The following NRXN1 variants were observed in gnomAD, a reference collection of about 807,000 sequenced individuals.
NRXN1 encodes neurexin-1.
A neutral mutation model predicts 150.9 loss-of-function variants in NRXN1; 39 were observed. That is an observed-to-expected ratio of 0.26 (90% CI 0.20 to 0.34). The LOEUF (loss-of-function observed/expected upper bound fraction) is 0.34. NRXN1 is among the 10% of genes least tolerant of loss of function. The pLI is 1.00. For missense variants in NRXN1, 1,815 were observed against 1,949.9 expected, an observed-to-expected ratio of 0.93 and a Z score of 1.30; for synonymous variants, 924 against 757.0, an observed-to-expected ratio of 1.22 and a Z score of -3.62.
intron 5 of NRXN1, among the ~76,000 whole-genome samples, chr2:50,827,572 G>C (rs1670629526): frequency 6.6e-6 from 1 of 152,062 alleles, no homozygotes; most frequent in Admixed American, 6.5e-5. Context: ...ATAAATTATT[G>C]ATTTCCACAT....
intron 18 of NRXN1, among the ~76,000 whole-genome samples, chr2:50,134,060 G>A (rs72878177): frequency 0.019 from 2,821 of 152,074 alleles, 73 homozygotes; most frequent in African/African-American, 0.065. Flanking sequence ...ACCTATTCTT[G>A]TATTTCCTGG....
chr2:50,561,667 G>A (rs1669101470), intron 8 of NRXN1, among the ~76,000 whole-genome samples: 2 of 152,186 alleles, frequency 1.3e-5, no homozygotes, highest in African/African-American at 4.8e-5. Flanking sequence ...CAACGTGACA[G>A]AAAAGGAACT....
At chr2:50,721,954 AT>A (rs1696714503) in intron 5 of NRXN1, among the ~76,000 whole-genome samples, 1 of 152,122 alleles carries the variant, frequency 6.6e-6, no homozygotes, top group Admixed American at 6.5e-5. Context: ...TTGAATTGTG[AT>A]TTTTGCATTT....
chr2:50,838,030 C>T (rs1672351294), intron 5 of NRXN1, among the ~76,000 whole-genome samples: 1 of 152,046 alleles, frequency 6.6e-6, no homozygotes, highest in South Asian at 2.1e-4. Context: ...TAAAGACTAC[C>T]TCAATCTACC....
chr2:50,905,772 G>C (rs568551049), intron 5 of NRXN1, among the ~76,000 whole-genome samples: 2 of 152,002 alleles, frequency 1.3e-5, no homozygotes, highest in South Asian at 4.2e-4. Context: ...TTATAAACAT[G>C]ACATATGTAT....
At chr2:50,632,022 T>G (rs1440303560) in intron 5 of NRXN1, among the ~76,000 whole-genome samples, 4 of 151,980 alleles carry the variant, frequency 2.6e-5, no homozygotes, top group Admixed American at 2.6e-4. Flanking sequence ...GATTACTTAA[T>G]AAATAAGTAA....
intron 5 of NRXN1, among the ~76,000 whole-genome samples, chr2:50,643,762 C>G (rs1387130769): frequency 6.6e-6 from 1 of 151,860 alleles, no homozygotes; most frequent in Non-Finnish European, 1.5e-5. Flanking sequence ...TTGTCTGTTT[C>G]TGTGCCAGAA....
rs1671021528 is a variant in NRXN1 at position 51,028,693 on chromosome 2, G to A, written c.-420C>T. 1 of 166,848 alleles carries A rather than the reference G, an allele frequency of 6.0e-6. No individual in the cohort carries two copies. Among genetic ancestry groups the A allele is most frequent in the African/African-American group, 2.4e-5 (1 of 42,074 alleles). 10.3% of individuals were successfully genotyped at this position (166,848 alleles called of 1,614,324 possible). On this transcript the variant is annotated 5_prime_UTR_variant, in exon 2 of 23. Transcript: ENST00000401669. The stretch of plus-strand genomic sequence containing the variant: ...TCCCATTATCTGCCAGGTTCCACCA[G>A]TGGTACCAGGCCAAAAGGAAGCAGT...
At chr2:50,089,632 T>A (rs931851598) in intron 19 of NRXN1, among the ~76,000 whole-genome samples, 4 of 151,760 alleles carry the variant, frequency 2.6e-5, no homozygotes, top group Admixed American at 6.6e-5. Context: ...TACAAAAAAA[T>A]TTTAAAAATT....
In NRXN1 at chr2:50,565,276, T is replaced by C. The variant is rs1221067378; in HGVS notation, c.1321-12251A>G. Among the ~76,000 whole-genome samples, 4 of 144,824 alleles carry C rather than the reference T, an allele frequency of 2.8e-5. No individual in the cohort carries two copies. The East Asian group carries it at 6.0e-4, about 22-fold the overall frequency. ...TTGCTGAGAAAATTCAACTAACTCC[T>C]AAAAAAAAAAGAAAAGAAAGAAAAT... On this transcript the variant is annotated intron_variant, in intron 8 of 22. Transcript: ENST00000401669.
At chr2:50,365,607 C>A (rs1029595205) in intron 17 of NRXN1, among the ~76,000 whole-genome samples, 13 of 151,972 alleles carry the variant, frequency 8.6e-5, no homozygotes, top group Middle Eastern at 3.4e-3. Context: ...CAGCTTATTC[C>A]TGAGTTGCCC....
At chr2:50,391,629 C>T (rs376261547) in intron 17 of NRXN1, among the ~76,000 whole-genome samples, 29 of 152,170 alleles carry the variant, frequency 1.9e-4, no homozygotes, top group Non-Finnish European at 1.0e-4. Context: ...GCAAGGATTC[C>T]TATTCTTGTT....
intron 17 of NRXN1, among the ~76,000 whole-genome samples, chr2:50,286,133 G>A (rs571901957): frequency 1.3e-5 from 2 of 152,092 alleles, no homozygotes; most frequent in East Asian, 3.9e-4. Context: ...TATCATTTTT[G>A]TGATGAAAAC....
chr2:50,779,798 C>T (rs867301828), intron 5 of NRXN1, among the ~76,000 whole-genome samples: 23 of 150,308 alleles, frequency 1.5e-4, no homozygotes, highest in South Asian at 4.2e-4. Context: ...TAAAACAAAA[C>T]AAAATAAAAT....
intron 18 of NRXN1, among the ~76,000 whole-genome samples, chr2:50,189,818 A>C (rs983229355): frequency 4.3e-4 from 65 of 152,280 alleles, no homozygotes; most frequent in African/African-American, 1.5e-3. Context: ...AAAGTTATTG[A>C]ATTAGTTTAT....
chr2:50,372,622 G>A (rs1242655944), intron 17 of NRXN1, among the ~76,000 whole-genome samples: 1 of 152,024 alleles, frequency 6.6e-6, no homozygotes, highest in African/African-American at 2.4e-5. Context: ...AGAGTATAAA[G>A]TTTTTCTATT....
At chr2:50,782,858 G>C (rs4416257) in intron 5 of NRXN1, among the ~76,000 whole-genome samples, 1 of 152,168 alleles carries the variant, frequency 6.6e-6, no homozygotes, top group Non-Finnish European at 1.5e-5. Context: ...AACAAAGAGA[G>C]AGAAAGACTA....
chr2:50,629,009 G>A (rs1257514159), intron 5 of NRXN1, among the ~76,000 whole-genome samples: 1 of 151,664 alleles, frequency 6.6e-6, no homozygotes, highest in Non-Finnish European at 1.5e-5. Flanking sequence ...AGGATGTGGG[G>A]CAACTAGAAC....
intron 5 of NRXN1, among the ~76,000 whole-genome samples, chr2:50,784,141 T>C (rs890799173): frequency 4.6e-5 from 7 of 152,146 alleles, no homozygotes; most frequent in African/African-American, 1.7e-4. Context: ...GTGAGACAGA[T>C]TGGAAGTTTC....
Sources: allele counts gnomAD v4.1 joint callset (sites outside exome capture counted in the v4.1 genomes callset), GRCh38; gene constraint gnomAD v4.1.1; transcripts MANE v1.5; gene names NCBI Gene and HGNC (gene_info 2026-07-23, HGNC 2026-07-21).